Variants in EPC2 observed in about 807,000 individuals in gnomAD.
The protein encoded by EPC2 is enhancer of polycomb 2.
EPC2 carries 14 observed loss-of-function variants against 92.1 expected under a neutral mutation model. The observed-to-expected ratio is 0.15, with a 90% confidence interval of 0.10 to 0.24. The LOEUF is 0.24. Among genes scored for constraint, EPC2 ranks in the 10% least tolerant of loss-of-function variants. The pLI is 1.00. For missense variants in EPC2, 755 were observed against 971.5 expected, an observed-to-expected ratio of 0.78 and a Z score of 2.96; for synonymous variants, 340 against 334.7, an observed-to-expected ratio of 1.02 and a Z score of -0.17.
chr2:148,654,487 G>A (rs1490881393), intron 1 of EPC2, among the ~76,000 whole-genome samples: 3 of 151,966 alleles, frequency 2.0e-5, no homozygotes, highest in East Asian at 1.9e-4. Flanking sequence ...GTATGGCTTC[G>A]TGTCTACAAA....
At position 148,664,310 on chromosome 2, in the gene EPC2, G is replaced by C. The variant is rs557308836; in HGVS notation, c.153+19140G>C. Among the ~76,000 whole-genome samples, 2 of 152,190 alleles carry C rather than the reference G, an allele frequency of 1.3e-5. 1 individual carries two copies. Among genetic ancestry groups the C allele is most frequent in the Admixed American group, 1.3e-4 (2 of 15,288 alleles). Reference sequence around the variant, plus strand: ...GTCCAGGAGTTTGAGACCAGCCTGGGCAACATGGCTAAACCCTGTCTTCAC... The same window carrying C: ...GTCCAGGAGTTTGAGACCAGCCTGGCCAACATGGCTAAACCCTGTCTTCAC... On this transcript the variant is annotated intron_variant, in intron 1 of 13. Transcript: ENST00000258484.
At chr2:148,659,856 G>C (rs931738531) in intron 1 of EPC2, among the ~76,000 whole-genome samples, 3 of 152,128 alleles carry the variant, frequency 2.0e-5, no homozygotes, top group Non-Finnish European at 4.4e-5. Context: ...TGATTCTGTA[G>C]AGTAATAAAA....
intron 2 of EPC2, among the ~76,000 whole-genome samples, chr2:148,714,907 T>C (rs1252417912): frequency 6.6e-6 from 1 of 152,200 alleles, no homozygotes; most frequent in Non-Finnish European, 1.5e-5. Flanking sequence ...AGCTCTTTAG[T>C]TTAATTAGAT....
At chr2:148,679,845 A>G (rs1279041103) in intron 1 of EPC2, among the ~76,000 whole-genome samples, 2 of 152,158 alleles carry the variant, frequency 1.3e-5, no homozygotes, top group Non-Finnish European at 2.9e-5. Context: ...TCATAGTCTC[A>G]CCATGTTGCC....
chr2:148,649,981 CT>C (rs1680639478), intron 1 of EPC2, among the ~76,000 whole-genome samples: 3 of 152,084 alleles, frequency 2.0e-5, no homozygotes, highest in Admixed American at 2.0e-4. Flanking sequence ...AGTTTGTGAA[CT>C]TTGCTTTCCC....
intron 1 of EPC2, among the ~76,000 whole-genome samples, chr2:148,672,341 T>C (rs955388207): frequency 2.0e-5 from 3 of 152,200 alleles, no homozygotes; most frequent in Admixed American, 6.5e-5. Context: ...TTTGTCCTTA[T>C]GTCTAAAGTG....
chr2:148,678,466 G>A (rs1321504486), intron 1 of EPC2, among the ~76,000 whole-genome samples: 3 of 152,238 alleles, frequency 2.0e-5, no homozygotes, highest in Admixed American at 1.3e-4. Context: ...CGCTTGTTGA[G>A]GAGGCTCGGG....
intron 2 of EPC2, among the ~76,000 whole-genome samples, chr2:148,736,625 G>A (rs933296604): frequency 3.3e-5 from 5 of 152,014 alleles, no homozygotes; most frequent in South Asian, 2.1e-4. Flanking sequence ...TTTATATTAC[G>A]ATTTCTCTAA....
intron 2 of EPC2, among the ~76,000 whole-genome samples, chr2:148,722,680 C>T (rs1047241797): frequency 1.3e-5 from 2 of 152,160 alleles, no homozygotes; most frequent in African/African-American, 4.8e-5. Flanking sequence ...TGGGTATATA[C>T]CCAAAGAATT....
chr2:148,764,068 G>A (rs866998653), intron 6 of EPC2, among the ~76,000 whole-genome samples: 6 of 152,048 alleles, frequency 3.9e-5, no homozygotes, highest in African/African-American at 1.2e-4. Flanking sequence ...CTGAAAGTTG[G>A]GGCTTTGTTT....
At chr2:148,730,096 C>T (rs1302961657) in intron 2 of EPC2, among the ~76,000 whole-genome samples, 2 of 152,150 alleles carry the variant, frequency 1.3e-5, no homozygotes, top group East Asian at 3.8e-4. Flanking sequence ...CTTTTCTGCA[C>T]TTCATTTTCT....
At chr2:148,748,029 GA>G (rs963361942) in intron 3 of EPC2, among the ~76,000 whole-genome samples, 38 of 152,128 alleles carry the variant, frequency 2.5e-4, no homozygotes, top group African/African-American at 8.2e-4. Context: ...GCCTGGTGGA[GA>G]TGATTGGATC....
At chr2:148,647,109 C>T (rs1403725774) in intron 1 of EPC2, among the ~76,000 whole-genome samples, 12 of 151,942 alleles carry the variant, frequency 7.9e-5, no homozygotes, top group African/African-American at 2.7e-4. Context: ...GACTCCGTCC[C>T]CCCCAACAAC....
intron 2 of EPC2, among the ~76,000 whole-genome samples, chr2:148,699,442 A>C (rs1357584674): frequency 6.6e-6 from 1 of 152,204 alleles, no homozygotes; most frequent in Non-Finnish European, 1.5e-5. Context: ...TCGCTGGTAC[A>C]TTCTTCCAAA....
At chr2:148,745,102 G>A (rs1682958559) in intron 3 of EPC2, among the ~76,000 whole-genome samples, 1 of 149,526 alleles carries the variant, frequency 6.7e-6, no homozygotes, top group Admixed American at 6.8e-5. Flanking sequence ...TTGAGAGATT[G>A]TCTTACTTGG....
At chr2:148,729,917 T>G (rs1682583947) in intron 2 of EPC2, among the ~76,000 whole-genome samples, 1 of 152,200 alleles carries the variant, frequency 6.6e-6, no homozygotes, top group African/African-American at 2.4e-5. Context: ...TATTTGTTAC[T>G]TAATATAAAA....
At chr2:148,671,363 C>G (rs1005644476) in intron 1 of EPC2, among the ~76,000 whole-genome samples, 12 of 150,348 alleles carry the variant, frequency 8.0e-5, no homozygotes, top group Non-Finnish European at 1.6e-4. Context: ...CCTGTAATCC[C>G]AGCACTTTGG....
intron 2 of EPC2, 119 bp downstream of exon 2, chr2:148,690,492 T>A: frequency 1.1e-6 from 1 of 888,508 alleles, no homozygotes; most frequent in Non-Finnish European, 1.7e-6. Context: ...TTAATAGATA[T>A]GTTAAACATT....
At chr2:148,741,303 A>G (rs1261846963) in intron 2 of EPC2, among the ~76,000 whole-genome samples, 1 of 152,138 alleles carries the variant, frequency 6.6e-6, no homozygotes, top group African/African-American at 2.4e-5. Flanking sequence ...CACTTTGAGT[A>G]CTACCTTGCC....
Sources: gnomAD v4.1 joint callset for allele counts (sites outside exome capture counted in the v4.1 genomes callset) on GRCh38, gnomAD v4.1.1 for gene constraint, MANE v1.5 for transcripts, NCBI Gene and HGNC (gene_info 2026-07-23, HGNC 2026-07-21) for gene names.